FAM181A: variants seen among roughly 807,000 people sequenced by gnomAD.
FAM181A encodes family with sequence similarity 181 member A, also known as protein FAM181A.
In FAM181A, 7 loss-of-function variants were observed where a neutral mutation model predicts 16.3. That is an observed-to-expected ratio of 0.43 (90% CI 0.24 to 0.81). FAM181A has a LOEUF of 0.81. Ranked by LOEUF, FAM181A falls within the 30% of genes least tolerant of loss-of-function variation. The pLI is 0.24. For synonymous variants in FAM181A, 183 were observed against 164.9 expected (o/e 1.11, Z -0.84); for missense variants, 349 against 377.5 (o/e 0.92, Z 0.63).
At chr14:93,921,456 G>C (rs776796577) in intron 1 of FAM181A, among the ~76,000 whole-genome samples, 3 of 152,220 alleles carry the variant, frequency 2.0e-5, no homozygotes, top group Non-Finnish European at 4.4e-5. Flanking sequence ...CCCTCGGCCT[G>C]CCAGCCAGAG....
At position 93,929,199 on chromosome 14, in the gene FAM181A, C is replaced by T. The variant is rs759969617; in HGVS notation, c.*35C>T. 4 of 1,504,490 alleles carry T rather than the reference C, an allele frequency of 2.7e-6. No homozygotes were observed. The highest frequency in any genetic ancestry group is 3.5e-6 in the Non-Finnish European group (4 of 1,131,258). The allele number at this position is 1,504,490 out of a possible 1,614,324, so 93.2% of individuals were successfully genotyped here. A position where few individuals can be genotyped will look rare whatever the true frequency, so the allele number is the denominator to read the frequency against. ...GAGGGCCTCAGCCCCCACCTCTGGC[C>T]TGCAGGAGTGTCGAGGTCCCCGAGG... On this transcript the variant is annotated 3_prime_UTR_variant, in exon 2 of 2. Coordinates refer to ENST00000556222, the MANE Select transcript of FAM181A (RefSeq NM_001207073.2).
At chr14:93,921,544 C>T (rs111964261) in intron 1 of FAM181A, among the ~76,000 whole-genome samples, 1 of 152,352 alleles carries the variant, frequency 6.6e-6, no homozygotes, top group Admixed American at 6.5e-5. Flanking sequence ...GACAGCCTGC[C>T]GTGGGCTGGT....
intron 1 of FAM181A, among the ~76,000 whole-genome samples, chr14:93,920,357 G>T (rs933169185): frequency 1.3e-5 from 2 of 151,956 alleles, no homozygotes; most frequent in African/African-American, 2.4e-5. Flanking sequence ...TCAAGACACC[G>T]CAGTGTGCCA....
upstream of FAM181A, among the ~76,000 whole-genome samples, chr14:93,926,692 G>C (rs1277603734): frequency 6.6e-6 from 1 of 151,996 alleles, no homozygotes; most frequent in Non-Finnish European, 1.5e-5. The surrounding 1 kb of genome is among the most constrained non-coding windows in gnomAD (Gnocchi z 5.2). Context: ...CCAGCACCTC[G>C]TTAGAGAGTC....
upstream of FAM181A, chr14:93,925,159 G>A (rs1887854380): frequency 1.1e-6 from 1 of 919,968 alleles, no homozygotes; most frequent in East Asian, 2.6e-5. Context: ...TACTGGCTAA[G>A]AAAGGAGAGA....
intron 1 of FAM181A, among the ~76,000 whole-genome samples, chr14:93,920,661 T>C (rs562586608): frequency 1.3e-5 from 2 of 152,218 alleles, no homozygotes; most frequent in South Asian, 4.1e-4. Flanking sequence ...TCCCAGAAAA[T>C]TAGGAATAGA....
chr14:93,928,820 C>A lies in FAM181A; in HGVS notation c.535C>A (p.Pro179Thr). 6.2e-7 allele frequency: 1 copy of A among 1,614,050 alleles called. No individual in the cohort carries two copies. The highest frequency in any genetic ancestry group is 8.5e-7 in the Non-Finnish European group (1 of 1,179,936). ...KNCKGLEPLG[P>T]ETTLVSMSPR... ...TTGCAAGGGCTTGGAGCCCCTGGGA[C>A]CTGAGACTACCCTGGTGTCCATGTC... Residue 179 changes from proline (P) to threonine (T), a missense_variant, in exon 2 of 2, where the codon CCT becomes ACT. By Grantham distance (38) the Pro-to-Thr change is conservative (BLOSUM62 -1). Transcript: ENST00000556222.
chr14:93,921,656 G>A (rs1225355430), intron 1 of FAM181A, among the ~76,000 whole-genome samples: 2 of 152,230 alleles, frequency 1.3e-5, no homozygotes, highest in African/African-American at 2.4e-5. Flanking sequence ...TCTGTCCTCC[G>A]CGTGGCCTTT....
intron 1 of FAM181A, among the ~76,000 whole-genome samples, chr14:93,921,800 CGGT>C (rs1169532519): frequency 6.6e-6 from 1 of 151,936 alleles, no homozygotes; most frequent in Non-Finnish European, 1.5e-5. Flanking sequence ...TCACAGTTGT[CGGT>C]GGGAGCAGCA....
upstream of FAM181A, among the ~76,000 whole-genome samples, chr14:93,923,024 G>C (rs1455874220): frequency 6.6e-6 from 1 of 151,748 alleles, no homozygotes; most frequent in African/African-American, 2.4e-5. Context: ...CCCCAGGCTG[G>C]AGTGCAATGG....
chr14:93,925,257 C>T (rs1302345202), upstream of FAM181A: 1 of 1,612,490 alleles, frequency 6.2e-7, no homozygotes, highest in Non-Finnish European at 8.5e-7. Flanking sequence ...AGCTGAGTGG[C>T]TCTAAAATGT....
rs765960942 is a variant in FAM181A, at chr14:93,928,776, C to T, written c.491C>T (p.Pro164Leu). The T allele has an allele frequency of 4.3e-6, 7 of 1,613,876 alleles. No individual in the cohort carries two copies. The Admixed American group carries it at 1.0e-4, about 23-fold the overall frequency. The change falls in exon 2 of 2, where the codon CCC becomes CTC. Residue 164 changes from proline to leucine, a missense_variant. Physicochemically the swap from Pro to Leu is moderately conservative, Grantham distance 98. Transcript: ENST00000556222. ...EGGLGPREGP[P>L]YEGKKNCKGL... ...GGACTGGGCCCCAGGGAGGGACCTC[C>T]CTATGAGGGTAAGAAAAATTGCAAG...
upstream of FAM181A, chr14:93,925,237 C>G: frequency 6.2e-7 from 1 of 1,603,014 alleles, no homozygotes; most frequent in Non-Finnish European, 8.5e-7. Context: ...CTCAAGGAAG[C>G]TGGGAGCTGA....
upstream of FAM181A, chr14:93,925,188 G>A: frequency 7.7e-7 from 1 of 1,292,354 alleles, no homozygotes; most frequent in Non-Finnish European, 1.1e-6. Context: ...TGAGCGGGCA[G>A]TGCAGAATGG....
Position 93,928,993 on chromosome 14 carries a change from C to A in FAM181A, c.708C>A (p.Val236=), listed in dbSNP as rs1337921347. The change falls in exon 2 of 2, where the codon GTC becomes GTA. Residue 236 remains valine, a synonymous_variant. Coordinates refer to ENST00000556222, the MANE Select transcript of FAM181A (RefSeq NM_001207073.2). ...GPLGALPQSP[V]PSLGLWRKSP... ...TGGGGGCACTGCCTCAGAGTCCTGT[C>A]CCCAGCCTGGGCCTTTGGAGGAAGA... The A allele has an allele frequency of 1.9e-6, 3 of 1,612,028 alleles. No homozygotes were observed. The highest frequency in any genetic ancestry group is 2.5e-6 in the Non-Finnish European group (3 of 1,178,914).
chr14:93,928,132 T>C (rs1290445432), intron 1 of FAM181A, 67 bp from the exon 2 acceptor site: 2 of 1,570,512 alleles, frequency 1.3e-6, no homozygotes, highest in Admixed American at 1.7e-5. Flanking sequence ...AGACAGGTGC[T>C]GTGGTCTTTT....
upstream of FAM181A, chr14:93,927,127 T>A: frequency 3.7e-6 from 1 of 272,082 alleles, no homozygotes; most frequent in Non-Finnish European, 5.5e-6. Flanking sequence ...CTGAGGAGAG[T>A]GGGGCTGAAG....
chr14:93,927,213 A>G, upstream of FAM181A: 1 of 898,232 alleles, frequency 1.1e-6, no homozygotes, highest in South Asian at 4.8e-5. Flanking sequence ...ACAATTTGTG[A>G]CGGCAAAGAA....
In FAM181A at chr14:93,929,075, CAGA is replaced by C. The variant is rs1888053243; in HGVS notation, c.793_795del (p.Lys265del). 1 of 1,571,864 alleles carries C rather than the reference CAGA, an allele frequency of 6.4e-7. No homozygotes were observed. Among genetic ancestry groups the C allele is most frequent in the Non-Finnish European group, 8.6e-7 (1 of 1,158,262 alleles). On this transcript the variant is annotated inframe_deletion, in exon 2 of 2. Transcript: ENST00000556222. ...CTGCAAGGATGTGGACGGCCTGGGG[CAGA>C]AGGTGTGCAGGCCCGTGGTGCTGAA...
Sources: gnomAD v4.1 joint callset for allele counts (sites outside exome capture counted in the v4.1 genomes callset) on GRCh38, gnomAD v4.1.1 for gene constraint, Gnocchi (gnomAD v3.1) non-coding constraint, MANE v1.5 for transcripts, NCBI Gene and HGNC (gene_info 2026-07-23, HGNC 2026-07-21) for gene names.